Variants in HAUS2 observed in about 807,000 individuals in gnomAD.
The protein encoded by HAUS2 is HAUS augmin like complex subunit 2.
In HAUS2, 20 loss-of-function variants were observed where a neutral mutation model predicts 21.6. The observed-to-expected ratio is 0.93, with a 90% CI of 0.65 to 1.35. The LOEUF is 1.35. Ranked by LOEUF, HAUS2 falls within the 40% of genes most tolerant of loss-of-function variation. The pLI is 0.00. For missense variants in HAUS2, 297 were observed against 280.7 expected, an observed-to-expected ratio of 1.06 and a Z score of -0.42; for synonymous variants, 113 against 95.6, an observed-to-expected ratio of 1.18 and a Z score of -1.06.
chr15:42,552,985 A>ATT lies in HAUS2; in HGVS notation c.93+4037_93+4038dup, dbSNP rs34872260. On this transcript the variant is annotated intron_variant, in intron 1 of 5. Coordinates refer to ENST00000260372, the MANE Select transcript of HAUS2 (RefSeq NM_018097.3). ...ATATATGGTATATAATGTTACCAGG[A>ATT]TTTTTTTTTTTTTTTTTTGAGATGG... Among the ~76,000 whole-genome samples, 969 of 137,108 alleles carry ATT rather than the reference A, an allele frequency of 7.1e-3. 10 individuals carry two copies. The highest frequency in any genetic ancestry group is 0.011 in the Non-Finnish European group (690 of 63,696). 89.9% of individuals were successfully genotyped at this position (137,108 alleles called of 152,430 possible).
intron 1 of HAUS2, among the ~76,000 whole-genome samples, chr15:42,549,765 CAAAA>C (rs58614126): frequency 1.5e-4 from 9 of 58,114 alleles, no homozygotes; most frequent in Admixed American, 2.6e-4. Flanking sequence ...TCTTTAAAGG[CAAAA>C]AAAAAAAAAA....
At position 42,569,868 on chromosome 15, in the gene HAUS2, T is replaced by C. The variant is rs879620456; in HGVS notation, c.*3052T>C. ...AAACATACTATGCTTTTTCTTCGTGTTATTTCCTATATTCATTTTTGTGTG... is the reference window on the plus strand; with the variant it reads ...AAACATACTATGCTTTTTCTTCGTGCTATTTCCTATATTCATTTTTGTGTG... On this transcript the variant is annotated 3_prime_UTR_variant, in exon 6 of 6. Transcript: ENST00000260372. The C allele has an allele frequency of 6.6e-6, 1 of 152,236 alleles. No homozygotes were observed. The highest frequency in any genetic ancestry group is 6.5e-5 in the Admixed American group (1 of 15,278). The allele number at this position is 152,236 out of a possible 1,614,324, so 9.4% of individuals were successfully genotyped here.
intron 1 of HAUS2, among the ~76,000 whole-genome samples, chr15:42,550,841 G>A (rs1376364512): frequency 1.3e-5 from 2 of 151,846 alleles, no homozygotes; most frequent in Non-Finnish European, 2.9e-5. Flanking sequence ...GCTAATTTTT[G>A]TATTTTTAGT....
chr15:42,563,650 A>C (rs2057873033), intron 4 of HAUS2, 99 bp from the exon 5 acceptor site: 3 of 730,192 alleles, frequency 4.1e-6, no homozygotes, highest in Non-Finnish European at 4.9e-6. Context: ...GTTGATTGTA[A>C]TTCTTATCTC....
chr15:42,559,481 T>C, intron 3 of HAUS2, 73 bp downstream of exon 3: 1 of 846,498 alleles, frequency 1.2e-6, no homozygotes, highest in South Asian at 1.4e-5. Context: ...TAAGCACCAG[T>C]CAGTCAAATT....
rs1021513352 is a variant in HAUS2, at chr15:42,566,932, T to C, written c.*116T>C. The C allele has an allele frequency of 7.0e-5, 42 of 596,074 alleles. No homozygotes were observed. Among genetic ancestry groups the C allele is most frequent in the Middle Eastern group, 4.5e-4 (1 of 2,220 alleles). The allele number at this position is 596,074 out of a possible 1,614,324, so 36.9% of individuals were successfully genotyped here. A position where few individuals can be genotyped will look rare whatever the true frequency, so the allele number is the denominator to read the frequency against. On this transcript the variant is annotated 3_prime_UTR_variant, in exon 6 of 6. Coordinates refer to ENST00000260372, the MANE Select transcript of HAUS2 (RefSeq NM_018097.3). ...GGTAATACTGAAAGAACCTGCTTTA[T>C]ATTGGAGTATCAAGATCTCAGGTTC...
intron 5 of HAUS2, among the ~76,000 whole-genome samples, chr15:42,565,283 C>T (rs967257348): frequency 2.6e-5 from 4 of 151,942 alleles, no homozygotes; most frequent in African/African-American, 7.3e-5. Context: ...TTGGCTGATG[C>T]GTAAAGGTAT....
chr15:42,556,174 C>G (rs2057772345), intron 1 of HAUS2, among the ~76,000 whole-genome samples: 2 of 144,634 alleles, frequency 1.4e-5, no homozygotes, highest in African/African-American at 5.2e-5. Context: ...GTTGGCCAGG[C>G]TGGTCTCAAA....
At chr15:42,566,484 A>G in intron 5 of HAUS2, 123 bp from the exon 6 acceptor site, 1 of 638,036 alleles carries the variant, frequency 1.6e-6, no homozygotes, top group Non-Finnish European at 2.8e-6. Context: ...GCACAGTTTT[A>G]AGGAGCTTTT....
At chr15:42,561,009 AAC>A (rs1470260499) in intron 3 of HAUS2, 3 of 583,674 alleles carry the variant, frequency 5.1e-6, no homozygotes, top group Admixed American at 3.2e-5. Context: ...AGAGATGAGA[AAC>A]ACAGAGAAAG....
chr15:42,560,648 ACT>A, intron 3 of HAUS2: 1 of 504,126 alleles, frequency 2.0e-6, no homozygotes, highest in Non-Finnish European at 3.5e-6. Flanking sequence ...AGAGTGTGTC[ACT>A]CTGTAACCCA....
Position 42,549,572 on chromosome 15 carries a change from G to A in HAUS2, c.93+607G>A, listed in dbSNP as rs1245267403. ...AGCGATTCTCCTGCCTCAGCCTCTGGAGTAGCTGGGACTACAGGCGCCCAC... is the reference window on the plus strand; with the variant it reads ...AGCGATTCTCCTGCCTCAGCCTCTGAAGTAGCTGGGACTACAGGCGCCCAC... On this transcript the variant is annotated intron_variant, in intron 1 of 5. Coordinates refer to ENST00000260372, the MANE Select transcript of HAUS2 (RefSeq NM_018097.3). Among the ~76,000 whole-genome samples the A allele has an allele frequency of 3.3e-5, 5 of 151,520 alleles. No homozygotes were observed. In the East Asian group the frequency reaches 9.7e-4, roughly 29 times the overall value.
At position 42,558,734 on chromosome 15, in the gene HAUS2, G is replaced by A. The variant is rs146989070; in HGVS notation, c.186+444G>A. On this transcript the variant is annotated intron_variant, in intron 2 of 5. Coordinates refer to ENST00000260372, the MANE Select transcript of HAUS2 (RefSeq NM_018097.3). ...GCACTTTGGGAGGCCAAGGTGGGAG[G>A]ACTGCTTGAGCCCAGGAGTTTGAGA... 1.2e-3 allele frequency among the ~76,000 whole-genome samples: 181 copies of A among 152,106 alleles called. 1 individual carries two copies. Among genetic ancestry groups the A allele is most frequent in the African/African-American group, 4.1e-3 (171 of 41,544 alleles).
Position 42,559,413 on chromosome 15 carries a change from G to A in HAUS2, c.256+5G>A. On this transcript the variant is annotated splice_donor_5th_base_variant and intron_variant, in intron 3 of 5. Transcript: ENST00000260372. Reference sequence around the variant, plus strand: ...TTGTTCATCCTTTCTTTTTGGGTAAGTGGTTTGGTTAAGTGGATAATCACT... The same window carrying A: ...TTGTTCATCCTTTCTTTTTGGGTAAATGGTTTGGTTAAGTGGATAATCACT... The A allele has an allele frequency of 6.4e-7, 1 of 1,568,600 alleles. No individual in the cohort carries two copies. The highest frequency in any genetic ancestry group is 8.8e-7 in the Non-Finnish European group (1 of 1,138,652).
chr15:42,550,457 GA>G (rs1566828867), intron 1 of HAUS2, among the ~76,000 whole-genome samples: 1 of 152,236 alleles, frequency 6.6e-6, no homozygotes, highest in Non-Finnish European at 1.5e-5. Context: ...TGTTAAAGGA[GA>G]ATTAGATCTT....
Position 42,569,731 on chromosome 15 carries a change from TA to T in HAUS2, c.*2917del, listed in dbSNP as rs2057942275. 6.6e-6 allele frequency: 1 copy of T among 152,234 alleles called. No individual in the cohort carries two copies. Among genetic ancestry groups the T allele is most frequent in the Non-Finnish European group, 1.5e-5 (1 of 68,048 alleles). 9.4% of individuals were successfully genotyped at this position (152,234 alleles called of 1,614,324 possible). A position where few individuals can be genotyped will look rare whatever the true frequency, so the allele number is the denominator to read the frequency against. On this transcript the variant is annotated 3_prime_UTR_variant, in exon 6 of 6. Transcript: ENST00000260372. ...AATCATGTTTTAAAGCCTAGTTTGC[TA>T]ATTTTTGCTAGTAGGATAAGAGTGA...
intron 5 of HAUS2, among the ~76,000 whole-genome samples, chr15:42,565,327 G>A (rs2057895423): frequency 6.6e-6 from 1 of 151,886 alleles, no homozygotes; most frequent in African/African-American, 2.4e-5. Flanking sequence ...TTTATGCAGT[G>A]CCTTAAAAAC....
intron 4 of HAUS2, among the ~76,000 whole-genome samples, chr15:42,562,176 A>T (rs1043575688): frequency 6.6e-6 from 1 of 152,216 alleles, no homozygotes; most frequent in African/African-American, 2.4e-5. Flanking sequence ...CGAAGCAAGC[A>T]TCTGGGGATC....
rs1229187470 is a variant in HAUS2, at chr15:42,548,891, T to C, written c.19T>C (p.Trp7Arg). The change falls in exon 1 of 6, where the codon TGG becomes CGG. Residue 7 changes from tryptophan (W) to arginine (R), a missense_variant. Physicochemically the swap from Trp to Arg is moderately radical, Grantham distance 101. Transcript: ENST00000260372. MAAANP[W>R]DPASAPNGAG... ...CCGAGCCATGGCCGCTGCCAACCCG[T>C]GGGACCCGGCGTCCGCGCCTAACGG... is the stretch of plus-strand genomic sequence containing the variant. 21 of 1,550,334 alleles carry C rather than the reference T, an allele frequency of 1.4e-5. No individual in the cohort carries two copies. The highest frequency in any genetic ancestry group is 1.7e-5 in the Non-Finnish European group (20 of 1,146,776).
Sources: allele counts gnomAD v4.1 joint callset (sites outside exome capture counted in the v4.1 genomes callset), GRCh38; gene constraint gnomAD v4.1.1; transcripts MANE v1.5; gene names NCBI Gene and HGNC (gene_info 2026-07-23, HGNC 2026-07-21).